The following EFCAB5 variants were observed in gnomAD, a reference collection of about 807,000 sequenced individuals.
EFCAB5 encodes EF-hand calcium-binding domain-containing protein 5.
In EFCAB5, 131 loss-of-function variants were observed where a neutral mutation model predicts 167.9. The ratio of observed to expected loss-of-function variants is 0.78; its 90% CI spans 0.68 to 0.90. The LOEUF (loss-of-function observed/expected upper bound fraction) is 0.90. EFCAB5 is among the 40% of genes least tolerant of loss of function. The pLI is 0.00. For missense variants in EFCAB5, 1,663 were observed against 1,745.2 expected (o/e 0.95, Z 0.84); for synonymous variants, 574 against 602.8 (o/e 0.95, Z 0.70).
intron 4 of EFCAB5, among the ~76,000 whole-genome samples, chr17:29,987,834 ATGTTTAACACG>A (rs2068321900): frequency 6.6e-6 from 1 of 152,202 alleles, no homozygotes; most frequent in South Asian, 2.1e-4. Flanking sequence ...GCAAAAGGTG[ATGTTTAACACG>A]GGCAGAAGAC....
In EFCAB5 at chr17:29,980,221, T is replaced by C. The variant is rs187346797; in HGVS notation, c.767+10854T>C. Among the ~76,000 whole-genome samples, 285 of 152,344 alleles carry C rather than the reference T, an allele frequency of 1.9e-3. 1 individual carries two copies. Among genetic ancestry groups the C allele is most frequent in the African/African-American group, 6.4e-3 (267 of 41,584 alleles). On this transcript the variant is annotated intron_variant, in intron 4 of 22. Transcript: ENST00000394835. Reference sequence around the variant, plus strand: ...TACTGAGGAACCTTTACTCAGTCAATTAGTATTTATTGCATAACTACTGAG... The same window carrying C: ...TACTGAGGAACCTTTACTCAGTCAACTAGTATTTATTGCATAACTACTGAG...
At chr17:30,074,515 T>TTCCATTGTATGAATAC (rs1257324578) in intron 14 of EFCAB5, 1 of 152,216 alleles carries the variant, frequency 6.6e-6, no homozygotes, top group African/African-American at 2.4e-5. Context: ...CTGAGTAGTA[T>TTCCATTGTATGAATAC]TCCATTGTAT....
intron 7 of EFCAB5, among the ~76,000 whole-genome samples, chr17:30,011,675 G>A (rs1430812757): frequency 6.6e-6 from 1 of 152,142 alleles, no homozygotes; most frequent in East Asian, 1.9e-4. Context: ...AGACTATGCT[G>A]AAGTTGGTTA....
At position 29,943,566 on chromosome 17, in the gene EFCAB5, C is replaced by T; in HGVS notation, c.107C>T (p.Thr36Ile). ...NLTEVKELHE[T>I]LQSVPDVPVK... is the part of the protein sequence containing the mutation. ...GTGATTTTTTTCCTCTTTTCAAAGA[C>T]CTTACAGAGTGTGCCAGACGTTCCT... Residue 36 changes from threonine to isoleucine, a missense_variant and splice_region_variant, in exon 3 of 23, where the codon ACC becomes ATC. Physicochemically the swap from Thr to Ile is moderately conservative, Grantham distance 89. Coordinates refer to ENST00000394835, the MANE Select transcript of EFCAB5 (RefSeq NM_198529.4). 1 of 1,574,374 alleles carries T rather than the reference C, an allele frequency of 6.4e-7. No individual in the cohort carries two copies. Among genetic ancestry groups the T allele is most frequent in the Non-Finnish European group, 8.6e-7 (1 of 1,159,182 alleles).
chr17:30,056,702 C>G (rs979283997), intron 12 of EFCAB5, among the ~76,000 whole-genome samples: 3 of 152,170 alleles, frequency 2.0e-5, no homozygotes, highest in Non-Finnish European at 2.9e-5. Flanking sequence ...TATTGTTTTG[C>G]CTTTCACATC....
intron 20 of EFCAB5, among the ~76,000 whole-genome samples, chr17:30,091,085 G>A (rs1348970756): frequency 6.6e-6 from 1 of 152,166 alleles, no homozygotes; most frequent in Non-Finnish European, 1.5e-5. Context: ...GGTGAGGGCT[G>A]GATTTGAACC....
At chr17:29,994,791 T>C (rs2068509663) in intron 5 of EFCAB5, among the ~76,000 whole-genome samples, 1 of 152,086 alleles carries the variant, frequency 6.6e-6, no homozygotes, top group Non-Finnish European at 1.5e-5. Flanking sequence ...GCCATTACTT[T>C]TTAAATGGCA....
chr17:29,993,394 T>G (rs1202690550), intron 5 of EFCAB5, 73 bp downstream of exon 5: 30 of 1,408,238 alleles, frequency 2.1e-5, no homozygotes, highest in African/African-American at 4.3e-5. Context: ...GAATACTGAG[T>G]AGCATACTAG....
chr17:30,013,491 G>T (rs1042657432), intron 7 of EFCAB5, among the ~76,000 whole-genome samples: 15 of 152,114 alleles, frequency 9.9e-5, no homozygotes, highest in Non-Finnish European at 1.9e-4. Context: ...CCTGTTATTG[G>T]TCTATTCAGA....
chr17:30,020,221 T>C (rs1205890473), intron 7 of EFCAB5, among the ~76,000 whole-genome samples: 2 of 152,182 alleles, frequency 1.3e-5, no homozygotes, highest in African/African-American at 4.8e-5. Flanking sequence ...TGAATAATAC[T>C]GCAAAGAATA....
chr17:30,088,806 A>G (rs1386417492), intron 19 of EFCAB5, among the ~76,000 whole-genome samples: 2 of 152,224 alleles, frequency 1.3e-5, no homozygotes, highest in Non-Finnish European at 2.9e-5. Context: ...TGTCAATTAA[A>G]TTTTAGTTTG....
intron 4 of EFCAB5, among the ~76,000 whole-genome samples, chr17:29,971,146 T>G (rs2067947354): frequency 6.6e-6 from 1 of 152,146 alleles, no homozygotes; most frequent in Admixed American, 6.5e-5. Flanking sequence ...TTTTTATCAT[T>G]CTTTGTTGCT....
chr17:30,099,061 T>C (rs1345699293), intron 22 of EFCAB5, among the ~76,000 whole-genome samples: 1 of 152,250 alleles, frequency 6.6e-6, no homozygotes, highest in African/African-American at 2.4e-5. Flanking sequence ...TTGATGCACA[T>C]GTAGGTTGTT....
chr17:30,047,299 C>T (rs1283320379), intron 8 of EFCAB5, among the ~76,000 whole-genome samples: 1 of 152,056 alleles, frequency 6.6e-6, no homozygotes, highest in Non-Finnish European at 1.5e-5. Flanking sequence ...CCATATCGCC[C>T]AGGACAGCCC....
intron 4 of EFCAB5, among the ~76,000 whole-genome samples, chr17:29,981,716 CTTTTTGG>C (rs1158715555): frequency 6.6e-6 from 1 of 152,070 alleles, no homozygotes; most frequent in African/African-American, 2.4e-5. Context: ...TTTATTTTTG[CTTTTTGG>C]TTTTTAGATA....
intron 22 of EFCAB5, among the ~76,000 whole-genome samples, chr17:30,104,385 T>G (rs1226531840): frequency 1.3e-5 from 2 of 152,222 alleles, no homozygotes; most frequent in Non-Finnish European, 2.9e-5. Flanking sequence ...GCCCAGTGTT[T>G]CCAGCATAAT....
At chr17:29,973,915 T>C (rs2068011277) in intron 4 of EFCAB5, among the ~76,000 whole-genome samples, 1 of 151,860 alleles carries the variant, frequency 6.6e-6, no homozygotes, top group South Asian at 2.1e-4. Flanking sequence ...CCCAGGACTT[T>C]GGGAGGTCAA....
At chr17:30,106,494 C>A (rs990041474) in intron 22 of EFCAB5, among the ~76,000 whole-genome samples, 3 of 151,886 alleles carry the variant, frequency 2.0e-5, no homozygotes, top group Non-Finnish European at 2.9e-5. Flanking sequence ...TCTCACTCTG[C>A]CACCCAGGCT....
chr17:30,032,316 C>T (rs1010477184), intron 7 of EFCAB5, among the ~76,000 whole-genome samples: 2 of 152,110 alleles, frequency 1.3e-5, no homozygotes, highest in Admixed American at 6.6e-5. Context: ...CAGACTTTCC[C>T]GGCAGTCTCA....
Sources: gnomAD v4.1 joint callset for allele counts (sites outside exome capture counted in the v4.1 genomes callset) on GRCh38, gnomAD v4.1.1 for gene constraint, MANE v1.5 for transcripts, NCBI Gene and HGNC (gene_info 2026-07-23, HGNC 2026-07-21) for gene names.